LRMDA: variants seen among roughly 807,000 people sequenced by gnomAD.
LRMDA encodes the protein leucine-rich melanocyte differentiation-associated protein.
LRMDA carries 18 observed loss-of-function variants against 29.8 expected under a neutral mutation model. The ratio of observed to expected loss-of-function variants is 0.60; its 90% CI spans 0.42 to 0.90. The LOEUF is 0.90. LRMDA is among the 40% of genes least tolerant of loss of function. The pLI, the probability that LRMDA is intolerant of heterozygous loss-of-function variation, is 0.00. For synonymous variants in LRMDA, 125 were observed against 109.4 expected, an observed-to-expected ratio of 1.14 and a Z score of -0.89; for missense variants, 273 against 273.9, an observed-to-expected ratio of 1.00 and a Z score of 0.02.
chr10:76,488,516 A>G (rs955517111), intron 6 of LRMDA, among the ~76,000 whole-genome samples: 8 of 151,868 alleles, frequency 5.3e-5, no homozygotes, highest in African/African-American at 1.9e-4. Context: ...ATTATTGCTG[A>G]CAAATATTTC....
chr10:76,242,972 CA>C (rs1383955015), intron 5 of LRMDA, among the ~76,000 whole-genome samples: 10 of 152,158 alleles, frequency 6.6e-5, no homozygotes, highest in Non-Finnish European at 1.3e-4. Context: ...AGACCCAGAG[CA>C]GACACTTGAA....
chr10:75,613,020 A>G (rs554133469), intron 2 of LRMDA, among the ~76,000 whole-genome samples: 132 of 152,202 alleles, frequency 8.7e-4, no homozygotes, highest in African/African-American at 2.9e-3. Context: ...CTTCTTCTTT[A>G]TCCTTCCTTC....
At chr10:75,463,953 C>T (rs1844621000) in intron 2 of LRMDA, among the ~76,000 whole-genome samples, 1 of 152,134 alleles carries the variant, frequency 6.6e-6, no homozygotes, top group African/African-American at 2.4e-5. Flanking sequence ...AGGCATGAAC[C>T]ACTGCGCCCG....
chr10:75,488,988 A>G (rs1173610959), intron 2 of LRMDA, among the ~76,000 whole-genome samples: 1 of 152,210 alleles, frequency 6.6e-6, no homozygotes, highest in Non-Finnish European at 1.5e-5. Flanking sequence ...CAGTCCTCAC[A>G]TGAGTTCTTA....
intron 3 of LRMDA, among the ~76,000 whole-genome samples, chr10:76,042,989 G>T (rs1408985381): frequency 6.6e-6 from 1 of 152,088 alleles, no homozygotes; most frequent in Non-Finnish European, 1.5e-5. Context: ...TGTAATCCCA[G>T]AACTTTGGGA....
chr10:76,304,799 G>C (rs1442190674), intron 5 of LRMDA, among the ~76,000 whole-genome samples: 1 of 152,200 alleles, frequency 6.6e-6, no homozygotes, highest in Admixed American at 6.5e-5. Flanking sequence ...TTGGGAGGGA[G>C]TTAGGAAGGA....
At chr10:76,110,480 T>C (rs1264455668) in intron 5 of LRMDA, among the ~76,000 whole-genome samples, 1 of 152,222 alleles carries the variant, frequency 6.6e-6, no homozygotes, top group Non-Finnish European at 1.5e-5. Context: ...AACCTTGCAC[T>C]GGCTTAGTCT....
In LRMDA at chr10:75,523,692, C is replaced by T. The variant is rs539398759; in HGVS notation, c.131+85198C>T. On this transcript the variant is annotated intron_variant, in intron 2 of 6. Coordinates refer to ENST00000611255, the MANE Select transcript of LRMDA (RefSeq NM_001305581.2). The stretch of plus-strand genomic sequence containing the variant: ...AAAACAGGCATAACCTGAAACTGTC[C>T]CAGACTGGGATGTGTGGCTACTCCA... Among the ~76,000 whole-genome samples the T allele has an allele frequency of 2.6e-5, 4 of 152,240 alleles. No homozygotes were observed. In the South Asian group the frequency reaches 8.3e-4, roughly 32 times the overall value.
intron 5 of LRMDA, among the ~76,000 whole-genome samples, chr10:76,077,551 G>A (rs1176285545): frequency 1.3e-5 from 2 of 152,088 alleles, no homozygotes; most frequent in African/African-American, 4.8e-5. Flanking sequence ...ACATGGTCAT[G>A]CTAGAAGGAA....
At chr10:75,761,184 G>T (rs1057090552) in intron 2 of LRMDA, among the ~76,000 whole-genome samples, 2 of 152,170 alleles carry the variant, frequency 1.3e-5, no homozygotes, top group Non-Finnish European at 2.9e-5. Context: ...CCACTTCTGG[G>T]TCTGTAACCA....
chr10:76,476,472 C>T (rs924013950), intron 6 of LRMDA, among the ~76,000 whole-genome samples: 1 of 152,106 alleles, frequency 6.6e-6, no homozygotes, highest in Non-Finnish European at 1.5e-5. Context: ...ACCAGAGTTA[C>T]AAGGAGGAGC....
intron 2 of LRMDA, among the ~76,000 whole-genome samples, chr10:76,026,604 C>T (rs1848067715): frequency 1.3e-5 from 2 of 152,152 alleles, no homozygotes; most frequent in Admixed American, 1.3e-4. Context: ...ACACCCTTCC[C>T]ATAGTTAGGA....
intron 5 of LRMDA, among the ~76,000 whole-genome samples, chr10:76,231,321 G>T (rs960303767): frequency 1.3e-5 from 2 of 152,172 alleles, no homozygotes; most frequent in Non-Finnish European, 2.9e-5. Context: ...ATTGATTTCG[G>T]TGTTTTAATT....
chr10:75,710,338 A>T (rs1212962963), intron 2 of LRMDA, among the ~76,000 whole-genome samples: 6 of 152,100 alleles, frequency 3.9e-5, no homozygotes, highest in African/African-American at 1.4e-4. Context: ...ACTGTTATTT[A>T]TGGGTTTTTG....
chr10:75,992,723 C>G (rs915938401), intron 2 of LRMDA, among the ~76,000 whole-genome samples: 7 of 152,124 alleles, frequency 4.6e-5, no homozygotes, highest in African/African-American at 1.2e-4. Flanking sequence ...GCTCTGGGCT[C>G]CTCCCCATGG....
intron 6 of LRMDA, among the ~76,000 whole-genome samples, chr10:76,555,479 A>G (rs1178335015): frequency 2.0e-5 from 3 of 152,154 alleles, no homozygotes; most frequent in Admixed American, 6.5e-5. Context: ...AGTGAGCCCA[A>G]GGCCAGCTTT....
At chr10:76,050,672 C>T (rs1361838691) in intron 4 of LRMDA, among the ~76,000 whole-genome samples, 1 of 152,172 alleles carries the variant, frequency 6.6e-6, no homozygotes, top group African/African-American at 2.4e-5. Context: ...AAGACTTGGC[C>T]GGAGAGACCA....
chr10:75,630,640 C>G (rs1841310798), intron 2 of LRMDA, among the ~76,000 whole-genome samples: 1 of 152,190 alleles, frequency 6.6e-6, no homozygotes, highest in Non-Finnish European at 1.5e-5. Flanking sequence ...TCTCTGTCAG[C>G]TTTGTTTATC....
At chr10:76,154,741 A>C (rs1456150675) in intron 5 of LRMDA, among the ~76,000 whole-genome samples, 1 of 152,220 alleles carries the variant, frequency 6.6e-6, no homozygotes, top group East Asian at 1.9e-4. Flanking sequence ...ATCAAATAGT[A>C]TAGAACTTCA....
Sources: allele counts gnomAD v4.1 joint callset (sites outside exome capture counted in the v4.1 genomes callset), GRCh38; gene constraint gnomAD v4.1.1; transcripts MANE v1.5; gene names NCBI Gene and HGNC (gene_info 2026-07-23, HGNC 2026-07-21).